KCNIP4: variants seen among roughly 807,000 people sequenced by gnomAD.
KCNIP4 encodes potassium voltage-gated channel interacting protein 4, also known as Kv channel-interacting protein 4.
KCNIP4 carries 12 observed loss-of-function variants against 34.0 expected under a neutral mutation model. The ratio of observed to expected loss-of-function variants is 0.35; its 90% CI spans 0.23 to 0.57. The LOEUF (loss-of-function observed/expected upper bound fraction) is 0.57, where lower values mean the gene tolerates loss of function less well. Among genes scored for constraint, KCNIP4 ranks in the 20% least tolerant of loss-of-function variants. KCNIP4 has a pLI of 0.83. For synonymous variants in KCNIP4, 124 were observed against 102.2 expected, an observed-to-expected ratio of 1.21 and a Z score of -1.29; for missense variants, 238 against 311.7, an observed-to-expected ratio of 0.76 and a Z score of 1.78.
chr4:20,748,580 A>G (rs1215572237), intron 5 of KCNIP4, among the ~76,000 whole-genome samples: 1 of 91,780 alleles, frequency 1.1e-5, no homozygotes, highest in East Asian at 2.7e-4. Flanking sequence ...ATATATATAT[A>G]TATATATATA....
intron 1 of KCNIP4, among the ~76,000 whole-genome samples, chr4:20,927,839 T>C (rs879616113): frequency 6.6e-5 from 10 of 152,298 alleles, no homozygotes; most frequent in Middle Eastern, 3.4e-3. Flanking sequence ...ATCTAGATTT[T>C]TTAAGTGTAT....
At chr4:21,457,221 C>G (rs906553481) in intron 1 of KCNIP4, among the ~76,000 whole-genome samples, 1 of 152,050 alleles carries the variant, frequency 6.6e-6, no homozygotes, top group South Asian at 2.1e-4. Flanking sequence ...CATTTGTCAT[C>G]TGCTGCTTCT....
At chr4:21,563,261 C>T (rs1336596599) in intron 1 of KCNIP4, among the ~76,000 whole-genome samples, 3 of 152,020 alleles carry the variant, frequency 2.0e-5, no homozygotes, top group Non-Finnish European at 4.4e-5. Flanking sequence ...TTTCCTTCAA[C>T]TTAATGTTTT....
At chr4:21,649,617 T>C (rs1747315319) in intron 1 of KCNIP4, among the ~76,000 whole-genome samples, 1 of 152,146 alleles carries the variant, frequency 6.6e-6, no homozygotes. Context: ...GGTAATAATT[T>C]GTAATTATTT....
At chr4:21,580,270 C>T (rs1380856411) in intron 1 of KCNIP4, among the ~76,000 whole-genome samples, 2 of 151,982 alleles carry the variant, frequency 1.3e-5, no homozygotes, top group South Asian at 2.1e-4. Flanking sequence ...AATACTATCA[C>T]GTTTGAGTAT....
At chr4:21,658,467 G>A (rs921292138) in intron 1 of KCNIP4, among the ~76,000 whole-genome samples, 1 of 152,080 alleles carries the variant, frequency 6.6e-6, no homozygotes, top group Non-Finnish European at 1.5e-5. Flanking sequence ...CCAGGCTGGA[G>A]TGCAATGGCA....
chr4:21,869,771 T>C (rs62301418), intron 1 of KCNIP4, among the ~76,000 whole-genome samples: 163 of 123,282 alleles, frequency 1.3e-3, no homozygotes, highest in African/African-American at 3.7e-3. Context: ...GATAGATAGA[T>C]AGATAGATAG....
intron 1 of KCNIP4, among the ~76,000 whole-genome samples, chr4:21,514,560 C>T (rs752734729): frequency 5.3e-5 from 8 of 152,086 alleles, no homozygotes; most frequent in Admixed American, 6.6e-5. Context: ...ATAATTATGG[C>T]TCTTCTTTCC....
chr4:21,923,284 AT>A (rs1729038690), intron 1 of KCNIP4, among the ~76,000 whole-genome samples: 1 of 152,142 alleles, frequency 6.6e-6, no homozygotes, highest in East Asian at 1.9e-4. Context: ...CCCATTTAAA[AT>A]ACCTTTTCTT....
intron 2 of KCNIP4, among the ~76,000 whole-genome samples, chr4:20,860,701 T>C (rs1424444748): frequency 6.6e-6 from 1 of 152,194 alleles, no homozygotes; most frequent in Non-Finnish European, 1.5e-5. Flanking sequence ...GGATGATCAC[T>C]TTCTAATGAT....
At chr4:21,631,628 T>C (rs554759438) in intron 1 of KCNIP4, among the ~76,000 whole-genome samples, 1 of 152,326 alleles carries the variant, frequency 6.6e-6, no homozygotes, top group Non-Finnish European at 1.5e-5. Flanking sequence ...CCCTCTGCTA[T>C]GTCCTCTCAA....
At chr4:21,420,483 G>T (rs778752098) in intron 1 of KCNIP4, among the ~76,000 whole-genome samples, 4 of 152,146 alleles carry the variant, frequency 2.6e-5, no homozygotes, top group Non-Finnish European at 5.9e-5. Flanking sequence ...TTGCTGAAAA[G>T]CATTCAATAT....
chr4:21,115,366 A>T (rs1218670442), intron 1 of KCNIP4, among the ~76,000 whole-genome samples: 1 of 152,148 alleles, frequency 6.6e-6, no homozygotes, highest in Admixed American at 6.6e-5. Flanking sequence ...TTATAATTTG[A>T]TTTTTTACCT....
At chr4:20,904,773 T>C (rs1052729959) in intron 1 of KCNIP4, among the ~76,000 whole-genome samples, 1 of 152,206 alleles carries the variant, frequency 6.6e-6, no homozygotes, top group Non-Finnish European at 1.5e-5. Context: ...GCAAGAACTC[T>C]TGATTCAAAT....
chr4:21,787,229 T>C (rs1028846485), intron 1 of KCNIP4, among the ~76,000 whole-genome samples: 1 of 152,234 alleles, frequency 6.6e-6, no homozygotes, highest in Non-Finnish European at 1.5e-5. Context: ...ATTTCGTGTT[T>C]AGGCTTCGAT....
intron 1 of KCNIP4, among the ~76,000 whole-genome samples, chr4:21,898,786 G>A (rs555566916): frequency 1.4e-4 from 22 of 152,234 alleles, no homozygotes; most frequent in South Asian, 4.1e-4. Context: ...AGGGGACTTC[G>A]TCTTATAGCT....
intron 1 of KCNIP4, among the ~76,000 whole-genome samples, chr4:21,932,982 T>C (rs61172669): frequency 1.3e-5 from 2 of 150,910 alleles, no homozygotes; most frequent in Admixed American, 6.6e-5. Flanking sequence ...AGATGACTAA[T>C]TGTGAGTTCT....
chr4:21,432,000 T>C (rs1726499472), intron 1 of KCNIP4, among the ~76,000 whole-genome samples: 1 of 147,674 alleles, frequency 6.8e-6, no homozygotes, highest in African/African-American at 2.5e-5. Flanking sequence ...TATGACTAAA[T>C]GCCCTATACC....
chr4:21,876,488 C>G (rs1357556087), intron 1 of KCNIP4, among the ~76,000 whole-genome samples: 1 of 152,050 alleles, frequency 6.6e-6, no homozygotes, highest in Non-Finnish European at 1.5e-5. Context: ...TGAGGAAATA[C>G]ATTAATTAGA....
Sources: allele counts gnomAD v4.1 joint callset (sites outside exome capture counted in the v4.1 genomes callset), GRCh38; gene constraint gnomAD v4.1.1; transcripts MANE v1.5; gene names NCBI Gene and HGNC (gene_info 2026-07-23, HGNC 2026-07-21).